SMYD3: variants seen among roughly 807,000 people sequenced by gnomAD.
SMYD3 encodes histone-lysine N-methyltransferase SMYD3.
Under a neutral mutation model 57.7 loss-of-function variants are expected in SMYD3, and 36 were observed. The ratio of observed to expected loss-of-function variants is 0.62; its 90% CI spans 0.48 to 0.82. The LOEUF (loss-of-function observed/expected upper bound fraction) is 0.82, where lower values mean the gene tolerates loss of function less well. SMYD3 is among the 40% of genes least tolerant of loss of function. SMYD3 has a pLI of 0.00. For synonymous variants in SMYD3, 211 were observed against 195.0 expected (o/e 1.08, Z -0.68); for missense variants, 515 against 538.8 (o/e 0.96, Z 0.44).
chr1:245,957,846 A>G (rs1220343654), intron 5 of SMYD3, among the ~76,000 whole-genome samples: 1 of 152,232 alleles, frequency 6.6e-6, no homozygotes, highest in Non-Finnish European at 1.5e-5. Flanking sequence ...CTATCAAGCC[A>G]TAAAAAGTAA....
At chr1:246,315,957 T>C (rs1476933414) in intron 5 of SMYD3, among the ~76,000 whole-genome samples, 1 of 152,234 alleles carries the variant, frequency 6.6e-6, no homozygotes, top group Non-Finnish European at 1.5e-5. Flanking sequence ...TGTTTCTGCC[T>C]ATTACAAAAT....
chr1:245,836,575 G>A (rs2050117357), intron 10 of SMYD3, among the ~76,000 whole-genome samples: 1 of 152,200 alleles, frequency 6.6e-6, no homozygotes, highest in Non-Finnish European at 1.5e-5. Context: ...TCTAGGATGC[G>A]TATTTCTAGT....
chr1:245,807,375 G>A (rs1572393234), intron 10 of SMYD3, among the ~76,000 whole-genome samples: 1 of 152,092 alleles, frequency 6.6e-6, no homozygotes. Flanking sequence ...TGGAGAGGAA[G>A]AAGAAGAGAG....
intron 5 of SMYD3, among the ~76,000 whole-genome samples, chr1:246,081,449 G>A (rs2060636741): frequency 6.6e-6 from 1 of 152,048 alleles, no homozygotes; most frequent in South Asian, 2.1e-4. Flanking sequence ...CTGGAGTGCA[G>A]TGGTGTGATC....
chr1:246,363,421 A>G (rs1311479682), intron 1 of SMYD3, among the ~76,000 whole-genome samples: 24 of 150,250 alleles, frequency 1.6e-4, no homozygotes, highest in Admixed American at 3.3e-4. Context: ...TGGGAGGTGT[A>G]CCCAACAGTT....
chr1:246,157,071 T>C (rs2062033701), intron 5 of SMYD3, among the ~76,000 whole-genome samples: 1 of 152,232 alleles, frequency 6.6e-6, no homozygotes, highest in Admixed American at 6.5e-5. Context: ...GGAACAGCAG[T>C]AGCTTTTTAC....
At chr1:246,292,981 C>T (rs2064724482) in intron 5 of SMYD3, among the ~76,000 whole-genome samples, 1 of 152,096 alleles carries the variant, frequency 6.6e-6, no homozygotes. Context: ...AGGAAGATCA[C>T]AAAGAATCAT....
At chr1:245,881,938 C>T (rs2052801999) in intron 8 of SMYD3, among the ~76,000 whole-genome samples, 1 of 152,182 alleles carries the variant, frequency 6.6e-6, no homozygotes, top group Non-Finnish European at 1.5e-5. Flanking sequence ...TGAGCCTGAG[C>T]CGAGACTGGT....
intron 5 of SMYD3, among the ~76,000 whole-genome samples, chr1:246,323,919 TG>T (rs2065292528): frequency 6.6e-6 from 1 of 151,576 alleles, no homozygotes; most frequent in African/African-American, 2.4e-5. Context: ...CTGTGTGAAC[TG>T]TAAGTATTAA....
intron 5 of SMYD3, among the ~76,000 whole-genome samples, chr1:246,084,307 C>G (rs1326574007): frequency 6.6e-6 from 1 of 151,050 alleles, no homozygotes; most frequent in Admixed American, 6.6e-5. Context: ...TCTCAACATT[C>G]TGGGCTCAAA....
chr1:246,078,485 C>T (rs1252842671), intron 5 of SMYD3, among the ~76,000 whole-genome samples: 2 of 152,196 alleles, frequency 1.3e-5, no homozygotes, highest in Non-Finnish European at 2.9e-5. Flanking sequence ...TCTGCTTCTT[C>T]AGCCGTCTTC....
intron 5 of SMYD3, among the ~76,000 whole-genome samples, chr1:246,169,250 T>G (rs1280974030): frequency 6.6e-6 from 1 of 151,796 alleles, no homozygotes; most frequent in Non-Finnish European, 1.5e-5. Flanking sequence ...TCTTCCACAC[T>G]GCAACGAATA....
intron 7 of SMYD3, among the ~76,000 whole-genome samples, chr1:245,921,171 T>C (rs2147802708): frequency 6.6e-6 from 1 of 152,272 alleles, no homozygotes; most frequent in South Asian, 2.1e-4. Flanking sequence ...CCAACAAACA[T>C]GGTTTTAAAT....
intron 1 of SMYD3, among the ~76,000 whole-genome samples, chr1:246,421,370 T>G (rs2340777): frequency 0.23 from 34,768 of 151,826 alleles, 4,264 homozygotes; most frequent in Admixed American, 0.32. Flanking sequence ...AGAATTTTAA[T>G]AAAAAGATCT....
intron 5 of SMYD3, among the ~76,000 whole-genome samples, chr1:246,162,494 G>C (rs1343011568): frequency 1.3e-5 from 2 of 152,158 alleles, no homozygotes; most frequent in Non-Finnish European, 2.9e-5. Flanking sequence ...GCATGTTCTT[G>C]AATCATTTAA....
intron 10 of SMYD3, among the ~76,000 whole-genome samples, chr1:245,770,286 C>T (rs886900103): frequency 4.6e-5 from 7 of 152,150 alleles, no homozygotes; most frequent in Admixed American, 1.3e-4. Context: ...AGAGGCTCAC[C>T]AGCTGAGCAA....
At chr1:246,441,813 T>C (rs1332350870) in intron 1 of SMYD3, among the ~76,000 whole-genome samples, 2 of 152,228 alleles carry the variant, frequency 1.3e-5, no homozygotes, top group East Asian at 1.9e-4. Flanking sequence ...GGTTTCACCA[T>C]GCTGGCCAGG....
At chr1:246,255,821 G>C (rs774734677) in intron 5 of SMYD3, among the ~76,000 whole-genome samples, 2 of 147,442 alleles carry the variant, frequency 1.4e-5, no homozygotes, top group Non-Finnish European at 3.0e-5. Flanking sequence ...CTGATTCAAT[G>C]TCAGAACTCA....
chr1:245,980,924 T>G lies in SMYD3; in HGVS notation c.532-50987A>C, dbSNP rs549669024. 4.7e-4 allele frequency among the ~76,000 whole-genome samples: 71 copies of G among 152,342 alleles called. 1 individual carries two copies. The highest frequency in any genetic ancestry group is 1.2e-3 in the Admixed American group (19 of 15,306). ...GTACTCGTCCCTGCCTTTCCAGTTATGTATTGCTTATGGCTGCTTTTGAGC... is the reference window on the plus strand; with the variant it reads ...GTACTCGTCCCTGCCTTTCCAGTTAGGTATTGCTTATGGCTGCTTTTGAGC... On this transcript the variant is annotated intron_variant, in intron 5 of 11. Coordinates refer to ENST00000490107, the MANE Select transcript of SMYD3 (RefSeq NM_001167740.2).
Sources: allele counts gnomAD v4.1 joint callset (sites outside exome capture counted in the v4.1 genomes callset), GRCh38; gene constraint gnomAD v4.1.1; transcripts MANE v1.5; gene names NCBI Gene and HGNC (gene_info 2026-07-23, HGNC 2026-07-21).